Variants in USP4 observed in about 807,000 individuals in gnomAD.
USP4 encodes ubiquitin carboxyl-terminal hydrolase 4.
USP4 carries 72 observed loss-of-function variants against 118.2 expected under a neutral mutation model. The ratio of observed to expected loss-of-function variants is 0.61; its 90% CI spans 0.50 to 0.74. USP4 has a LOEUF of 0.74. Ranked by LOEUF, USP4 falls within the 30% of genes least tolerant of loss-of-function variation. USP4 has a pLI of 0.00. For synonymous variants in USP4, 415 were observed against 440.4 expected, an observed-to-expected ratio of 0.94 and a Z score of 0.72; for missense variants, 1,037 against 1,185.7, an observed-to-expected ratio of 0.87 and a Z score of 1.84.
intron 2 of USP4, among the ~76,000 whole-genome samples, chr3:49,331,110 C>T (rs544254503): frequency 1.3e-4 from 20 of 151,606 alleles, no homozygotes; most frequent in African/African-American, 3.9e-4. Flanking sequence ...TACCTGAGGT[C>T]GAGAGTTCGA....
rs766594024 is a variant in USP4, at chr3:49,286,277, A to G, written c.2021T>C (p.Leu674Pro). Reference protein sequence around the residue: ...MEHQEEGKEQLSETEGSGEDE... With the variant: ...MEHQEEGKEQPSETEGSGEDE... ...TTCCCCACTGCCTTCTGTTTCTGAA[A>G]GCTGCTCTTTGCCTTCTTCCTGATG... The change falls in exon 16 of 22, where the codon CTT (leucine) becomes CCT (proline). Residue 674 changes from leucine to proline, a missense_variant. Physicochemically the swap from Leu to Pro is moderately conservative, Grantham distance 98. This residue lies in a region of USP4 where 522 missense variants were observed against 592.6 expected (regional missense o/e 0.88). Coordinates refer to ENST00000265560, the MANE Select transcript of USP4 (RefSeq NM_003363.4). 2.5e-6 allele frequency: 4 copies of G among 1,614,112 alleles called. No homozygotes were observed. Among genetic ancestry groups the G allele is most frequent in the Non-Finnish European group, 3.4e-6 (4 of 1,180,020 alleles).
chr3:49,291,816 T>C (rs1314341205), intron 15 of USP4, among the ~76,000 whole-genome samples: 2 of 151,090 alleles, frequency 1.3e-5, no homozygotes, highest in Non-Finnish European at 3.0e-5. Flanking sequence ...CCTGGTCCTT[T>C]TTTTTTTCTT....
At chr3:49,319,599 A>AAGTT in intron 6 of USP4, among the ~76,000 whole-genome samples, 1 of 148,990 alleles carries the variant, frequency 6.7e-6, no homozygotes, top group South Asian at 2.1e-4. Flanking sequence ...ATTACTAAAC[A>AAGTT]TGTTTGTTTG....
At chr3:49,284,344 G>T in intron 18 of USP4, 122 bp downstream of exon 18, 1 of 1,040,702 alleles carries the variant, frequency 9.6e-7, no homozygotes, top group Non-Finnish European at 1.4e-6. Flanking sequence ...TATGTTGTAG[G>T]GTTAGCTATA....
chr3:49,312,513 G>A (rs774222342), intron 6 of USP4: 13 of 452,630 alleles, frequency 2.9e-5, no homozygotes, highest in African/African-American at 8.0e-5. Flanking sequence ...GGCGCTACTC[G>A]GGAAGCTGAG....
intron 2 of USP4, among the ~76,000 whole-genome samples, chr3:49,332,800 C>T (rs1342097941): frequency 6.6e-6 from 1 of 151,588 alleles, no homozygotes; most frequent in African/African-American, 2.4e-5. Context: ...GACGTCAAGG[C>T]GGGAGGATTG....
At chr3:49,283,350 G>A (rs2107765413) in intron 19 of USP4, among the ~76,000 whole-genome samples, 1 of 151,378 alleles carries the variant, frequency 6.6e-6, no homozygotes, top group Middle Eastern at 3.5e-3. Context: ...TTTGTAGAGA[G>A]GAAGTCTCTC....
chr3:49,339,894 G>A, intron 1 of USP4, 30 bp downstream of exon 1: 1 of 1,593,734 alleles, frequency 6.3e-7, no homozygotes, highest in Non-Finnish European at 8.6e-7. Context: ...CCCTGGTTCT[G>A]CATAGAGGAA....
intron 6 of USP4, chr3:49,318,515 C>G (rs2047465378): frequency 1.0e-6 from 1 of 985,414 alleles, no homozygotes; most frequent in African/African-American, 1.7e-5. Flanking sequence ...CCTTGAGAAA[C>G]TAATATTAAG....
chr3:49,308,024 T>C (rs533238439), intron 8 of USP4, among the ~76,000 whole-genome samples: 1 of 152,044 alleles, frequency 6.6e-6, no homozygotes, highest in Non-Finnish European at 1.5e-5. Flanking sequence ...AAAATGAATT[T>C]TGCTCTGCTC....
Position 49,286,305 on chromosome 3 carries a change from C to G in USP4, c.1993G>C (p.Glu665Gln). The change falls in exon 16 of 22, where the codon GAG becomes CAG. Residue 665 changes from glutamate (E) to glutamine (Q), a missense_variant. Transcript: ENST00000265560. ...TGCTCTTTGCCTTCTTCCTGATGCTCCATTTCTTCCTCATCTTCTCCTGGC... is the reference window on the plus strand; with the variant it reads ...TGCTCTTTGCCTTCTTCCTGATGCTGCATTTCTTCCTCATCTTCTCCTGGC... ...SCEGEDEEEM[E>Q]HQEEGKEQLS... is the part of the protein sequence containing the mutation. 1 of 1,614,072 alleles carries G rather than the reference C, an allele frequency of 6.2e-7. No homozygotes were observed.
chr3:49,318,553 A>G (rs1201456948), intron 6 of USP4: 7 of 985,328 alleles, frequency 7.1e-6, no homozygotes, highest in Non-Finnish European at 1.2e-6. Flanking sequence ...CATGGAAGAG[A>G]AAACTCTGAA....
At chr3:49,280,177 C>T (rs1425795784) in intron 20 of USP4, among the ~76,000 whole-genome samples, 1 of 150,290 alleles carries the variant, frequency 6.7e-6, no homozygotes, top group Non-Finnish European at 1.5e-5. Context: ...GCACGAGAAT[C>T]GCTTGAACCC....
intron 19 of USP4, among the ~76,000 whole-genome samples, chr3:49,283,447 G>A (rs939642627): frequency 6.6e-6 from 1 of 152,082 alleles, no homozygotes; most frequent in African/African-American, 2.4e-5. Context: ...GAGCCACTGT[G>A]CCCAGCCAGG....
chr3:49,336,288 C>G (rs2047668837), intron 1 of USP4, among the ~76,000 whole-genome samples: 1 of 149,992 alleles, frequency 6.7e-6, no homozygotes, highest in Non-Finnish European at 1.5e-5. Flanking sequence ...TCTCCTGCCT[C>G]AGCCTCCCAA....
chr3:49,308,985 T>C, intron 8 of USP4, among the ~76,000 whole-genome samples: 1 of 149,222 alleles, frequency 6.7e-6, no homozygotes, highest in Admixed American at 6.8e-5. Flanking sequence ...TGCGTCAAGA[T>C]TGCGCGACTG....
Position 49,317,144 on chromosome 3 carries a change from C to G in USP4, c.696-5490G>C, listed in dbSNP as rs776366010. 1.5e-5 allele frequency: 21 copies of G among 1,415,980 alleles called. No individual in the cohort carries two copies. In the Admixed American group the frequency reaches 3.1e-4, roughly 21 times the overall value. 87.7% of individuals were successfully genotyped at this position (1,415,980 alleles called of 1,614,324 possible). On this transcript the variant is annotated intron_variant, in intron 6 of 21. Transcript: ENST00000265560. ...GCTGTAGCCTTGGTCAGGTTCCCAGCTTCCCTCTTCAGGACACTGAGCAAA... is the reference window on the plus strand; with the variant it reads ...GCTGTAGCCTTGGTCAGGTTCCCAGGTTCCCTCTTCAGGACACTGAGCAAA...
intron 6 of USP4, chr3:49,317,276 G>GGGCCAGCTTCTCGTTGACGCA (rs570751158): frequency 6.5e-7 from 1 of 1,532,048 alleles, no homozygotes; most frequent in Non-Finnish European, 9.0e-7. Context: ...TCGTTGACGC[G>GGGCCAGCTTCTCGTTGACGCA]GGCCAGCTTC....
intron 3 of USP4, among the ~76,000 whole-genome samples, chr3:49,326,167 A>AT (rs1266219463): frequency 1.3e-5 from 2 of 151,926 alleles, no homozygotes; most frequent in Non-Finnish European, 2.9e-5. Flanking sequence ...AAATACAAAA[A>AT]TTAGCCGGGC....
Sources: allele counts gnomAD v4.1 joint callset (sites outside exome capture counted in the v4.1 genomes callset), GRCh38; gene constraint gnomAD v4.1.1; regional missense constraint gnomAD v4.1.1; transcripts MANE v1.5; gene names NCBI Gene and HGNC (gene_info 2026-07-23, HGNC 2026-07-21).